The following CRB1 variants were observed in gnomAD, a reference collection of about 807,000 sequenced individuals.
The protein encoded by CRB1 is crumbs cell polarity complex component 1, also known as protein crumbs homolog 1.
CRB1 carries 83 observed loss-of-function variants against 120.0 expected under a neutral mutation model. That is an observed-to-expected ratio of 0.69 (90% CI 0.58 to 0.83). The LOEUF is 0.83. CRB1 is among the 40% of genes least tolerant of loss of function. The pLI is 0.00. For synonymous variants in CRB1, 625 were observed against 612.5 expected, an observed-to-expected ratio of 1.02 and a Z score of -0.30; for missense variants, 1,699 against 1,687.6, an observed-to-expected ratio of 1.01 and a Z score of -0.12.
chr1:197,248,456 G>A, the CRB1 span, among the ~76,000 whole-genome samples: 2 of 151,878 alleles, frequency 1.3e-5, no homozygotes, highest in South Asian at 4.1e-4. Context: ...TAGGCAAATG[G>A]TGATTATTAT....
the CRB1 span, among the ~76,000 whole-genome samples, chr1:197,256,650 A>G: frequency 3.0e-4 from 45 of 152,232 alleles, no homozygotes; most frequent in African/African-American, 1.1e-3. Context: ...AATGTTTTAC[A>G]TAATTTTTTA....
chr1:197,256,932 CGT>C, the CRB1 span, among the ~76,000 whole-genome samples: 68,368 of 141,076 alleles, frequency 0.48, 17,791 homozygotes, highest in East Asian at 0.62. Flanking sequence ...ATAGGATTTG[CGT>C]GTGTGTGTGT....
At chr1:197,219,072 G>A in the CRB1 span, among the ~76,000 whole-genome samples, 1 of 152,104 alleles carries the variant, frequency 6.6e-6, no homozygotes, top group African/African-American at 2.4e-5. Flanking sequence ...GTGCTGGTAG[G>A]TTTGTCATGG....
intron 1 of CRB1, among the ~76,000 whole-genome samples, chr1:197,282,563 A>G (rs980101658): frequency 6.6e-6 from 1 of 151,942 alleles, no homozygotes; most frequent in African/African-American, 2.4e-5. Flanking sequence ...TTTGAAACAT[A>G]AATTGTGTTG....
chr1:197,329,019 T>C lies in CRB1; in HGVS notation c.652+16T>C. On this transcript the variant is annotated intron_variant, in intron 2 of 11. Coordinates refer to ENST00000367400, the MANE Select transcript of CRB1 (RefSeq NM_201253.3). ...AATTATTCTGGTAAGTGTGATCATA[T>C]CTGAATCACAGATGGTGTAGTTAGC... The C allele has an allele frequency of 1.3e-6, 2 of 1,582,462 alleles. No homozygotes were observed. The highest frequency in any genetic ancestry group is 1.7e-6 in the Non-Finnish European group (2 of 1,155,812).
the CRB1 span, among the ~76,000 whole-genome samples, chr1:197,252,253 T>G: frequency 1.3e-5 from 2 of 151,716 alleles, no homozygotes; most frequent in South Asian, 4.1e-4. Flanking sequence ...TTTTTGCATG[T>G]CATAGAATAT....
At chr1:197,362,091 A>G (rs1558082502) in intron 5 of CRB1, among the ~76,000 whole-genome samples, 1 of 151,688 alleles carries the variant, frequency 6.6e-6, no homozygotes, top group Non-Finnish European at 1.5e-5. Context: ...ATCCTTTTTG[A>G]CCTATGGATG....
At chr1:197,452,769 C>A (rs1666033605) in intron 11 of CRB1, among the ~76,000 whole-genome samples, 1 of 152,092 alleles carries the variant, frequency 6.6e-6, no homozygotes. Context: ...AAATAAGTTA[C>A]ACATATGTAG....
At chr1:197,373,391 C>T (rs1036757348) in intron 5 of CRB1, among the ~76,000 whole-genome samples, 4 of 152,088 alleles carry the variant, frequency 2.6e-5, no homozygotes, top group African/African-American at 9.7e-5. Flanking sequence ...TCTTAGTCTC[C>T]CCTTTAGATG....
At chr1:197,211,230 A>G in the CRB1 span, among the ~76,000 whole-genome samples, 1 of 152,226 alleles carries the variant, frequency 6.6e-6, no homozygotes, top group Non-Finnish European at 1.5e-5. Flanking sequence ...TGTGAACCAC[A>G]CCAAATAAAC....
At chr1:197,332,479 A>G (rs1049372404) in intron 2 of CRB1, among the ~76,000 whole-genome samples, 1 of 152,252 alleles carries the variant, frequency 6.6e-6, no homozygotes, top group African/African-American at 2.4e-5. Flanking sequence ...TCTTGAAAAC[A>G]GAATTTAAAC....
the CRB1 span, among the ~76,000 whole-genome samples, chr1:197,255,962 A>G: frequency 1.0e-4 from 4 of 38,712 alleles, no homozygotes; most frequent in African/African-American, 3.3e-4. Context: ...AATATAGAAC[A>G]TTTTATATAT....
At chr1:197,208,850 G>T in the CRB1 span, among the ~76,000 whole-genome samples, 11 of 152,234 alleles carry the variant, frequency 7.2e-5, no homozygotes, top group African/African-American at 2.6e-4. Flanking sequence ...ACCATCAGGT[G>T]GGGGTAGGGT....
intron 1 of CRB1, among the ~76,000 whole-genome samples, chr1:197,280,614 A>G (rs948887212): frequency 6.6e-6 from 1 of 151,820 alleles, no homozygotes; most frequent in Non-Finnish European, 1.5e-5. Context: ...ATTTTTTAAA[A>G]CTCTAATAGG....
At chr1:197,367,535 C>G (rs1207690266) in intron 5 of CRB1, among the ~76,000 whole-genome samples, 1 of 152,174 alleles carries the variant, frequency 6.6e-6, no homozygotes, top group East Asian at 1.9e-4. Context: ...TGTGCTTACC[C>G]TTGAACCATC....
intron 5 of CRB1, among the ~76,000 whole-genome samples, chr1:197,400,791 G>C (rs1663026860): frequency 6.6e-6 from 1 of 151,958 alleles, no homozygotes; most frequent in East Asian, 1.9e-4. Context: ...TTTCTGTTTT[G>C]AAATATGTCT....
In CRB1 at chr1:197,356,880, C is replaced by A. The variant is rs1320196113; in HGVS notation, c.1038C>A (p.Asn346Lys). Reference sequence around the variant, plus strand: ...TCGACCTCAATGAATGCAATAGTAACCCCTGCCAGTCCAATGGGGAATGTG... The same window carrying A: ...TCGACCTCAATGAATGCAATAGTAAACCCTGCCAGTCCAATGGGGAATGTG... ...CEIDLNECNSNPCQSNGECVE... is the reference protein window; with the variant it reads ...CEIDLNECNSKPCQSNGECVE... The change falls in exon 5 of 12, where the codon AAC (asparagine) becomes AAA (lysine). Residue 346 changes from asparagine to lysine, a missense_variant. Physicochemically the swap from Asn to Lys is moderately conservative, Grantham distance 94. Coordinates refer to ENST00000367400, the MANE Select transcript of CRB1 (RefSeq NM_201253.3). 1 of 1,614,060 alleles carries A rather than the reference C, an allele frequency of 6.2e-7. No individual in the cohort carries two copies. Among genetic ancestry groups the A allele is most frequent in the African/African-American group, 1.3e-5 (1 of 74,926 alleles).
chr1:197,330,788 T>C (rs921539288), intron 2 of CRB1, among the ~76,000 whole-genome samples: 1 of 73,936 alleles, frequency 1.4e-5, no homozygotes, highest in Non-Finnish European at 2.9e-5. Flanking sequence ...ATCTATGTTT[T>C]TGCACCCCCC....
intron 11 of CRB1, among the ~76,000 whole-genome samples, chr1:197,454,997 G>C (rs180684292): frequency 6.6e-6 from 1 of 152,132 alleles, no homozygotes; most frequent in African/African-American, 2.4e-5. Flanking sequence ...GAATCATAAA[G>C]ATATTTTTAA....
Sources: allele counts gnomAD v4.1 joint callset (sites outside exome capture counted in the v4.1 genomes callset), GRCh38; gene constraint gnomAD v4.1.1; transcripts MANE v1.5; gene names NCBI Gene and HGNC (gene_info 2026-07-23, HGNC 2026-07-21).